Variants in EML5 observed in about 807,000 individuals in gnomAD.
EML5 encodes the protein EMAP like 5, also known as echinoderm microtubule-associated protein-like 5.
EML5 carries 120 observed loss-of-function variants against 250.0 expected under a neutral mutation model. The ratio of observed to expected loss-of-function variants is 0.48; its 90% CI spans 0.41 to 0.56. The LOEUF (loss-of-function observed/expected upper bound fraction) is 0.56, where lower values mean the gene tolerates loss of function less well. Among genes scored for constraint, EML5 ranks in the 20% least tolerant of loss-of-function variants. The pLI, the probability that EML5 is intolerant of heterozygous loss-of-function variation, is 0.00. For synonymous variants in EML5, 771 were observed against 806.5 expected (o/e 0.96, Z 0.75); for missense variants, 2,006 against 2,437.6 (o/e 0.82, Z 3.73).
At chr14:88,758,099 C>T (rs1238202530) in intron 1 of EML5, among the ~76,000 whole-genome samples, 1 of 151,014 alleles carries the variant, frequency 6.6e-6, no homozygotes, top group East Asian at 1.9e-4. Context: ...TTAAGAGATC[C>T]TCCCACCTCA....
chr14:88,736,418 G>T lies in EML5; in HGVS notation c.995C>A (p.Ala332Asp). 1 of 1,614,010 alleles carries T rather than the reference G, an allele frequency of 6.2e-7. No homozygotes were observed. Among genetic ancestry groups the T allele is most frequent in the Non-Finnish European group, 8.5e-7 (1 of 1,179,900 alleles). ...GHCEGELWAL[A>D]VHPTKPLAVT... The stretch of plus-strand genomic sequence containing the variant: ...AGCCAAAGGTTTAGTAGGATGGACA[G>T]CAAGTGCCCAAAGTTCACCTTCACA... The change falls in exon 7 of 44, where the codon GCT (alanine) becomes GAT (aspartate). Residue 332 changes from alanine (A) to aspartate (D), a missense_variant. Ala to Asp is a moderately radical substitution (Grantham distance 126, BLOSUM62 -2). Around this residue, in one of 7 missense-constraint regions of EML5, gnomAD observed 1,375 missense variants for 1,590.3 expected, o/e 0.86. Coordinates refer to ENST00000554922, the MANE Select transcript of EML5 (RefSeq NM_183387.3).
intron 28 of EML5, among the ~76,000 whole-genome samples, 197 bp from the exon 29 acceptor site, chr14:88,647,152 G>A (rs1470279163): frequency 2.6e-5 from 4 of 152,130 alleles, no homozygotes; most frequent in East Asian, 1.9e-4. Flanking sequence ...CACGAGGTCA[G>A]GAGTTCGAGA....
chr14:88,769,454 C>T (rs147397000), intron 1 of EML5, among the ~76,000 whole-genome samples: 82 of 152,324 alleles, frequency 5.4e-4, no homozygotes, highest in African/African-American at 1.9e-3. Context: ...AGCTAAACCT[C>T]TTTTCTTTAT....
At chr14:88,616,389 G>A (rs1257658058) in intron 42 of EML5, 147 bp from the exon 43 acceptor site, 1 of 772,896 alleles carries the variant, frequency 1.3e-6, no homozygotes, top group Non-Finnish European at 2.1e-6. Flanking sequence ...TTTTCAGCAT[G>A]AGTAGTGGAT....
chr14:88,742,808 A>T (rs2093942919), intron 4 of EML5, among the ~76,000 whole-genome samples: 2 of 152,114 alleles, frequency 1.3e-5, no homozygotes, highest in South Asian at 4.1e-4. Flanking sequence ...AATCAAATCA[A>T]TACCAGAATA....
intron 1 of EML5, among the ~76,000 whole-genome samples, chr14:88,762,754 A>C (rs1395440816): frequency 1.3e-5 from 2 of 152,170 alleles, no homozygotes; most frequent in Admixed American, 6.5e-5. Context: ...TGACCACATA[A>C]TTGGAAGTAA....
At chr14:88,783,084 A>G (rs986842176) in intron 1 of EML5, among the ~76,000 whole-genome samples, 11 of 152,182 alleles carry the variant, frequency 7.2e-5, no homozygotes, top group Non-Finnish European at 1.5e-4. Flanking sequence ...CCATGTCAAA[A>G]AAAAAGAAAA....
intron 24 of EML5, among the ~76,000 whole-genome samples, chr14:88,662,471 T>G (rs934398485): frequency 1.3e-5 from 2 of 151,432 alleles, no homozygotes; most frequent in African/African-American, 4.8e-5. Flanking sequence ...TGTCTTCTAT[T>G]TGCTATTTCA....
chr14:88,716,138 C>T (rs2093489360), intron 8 of EML5, among the ~76,000 whole-genome samples: 1 of 152,150 alleles, frequency 6.6e-6, no homozygotes, highest in Admixed American at 6.5e-5. Context: ...TTCTGTTACA[C>T]ATGTGCAAGA....
chr14:88,790,018 G>A (rs1302569932), intron 1 of EML5, among the ~76,000 whole-genome samples: 2 of 152,112 alleles, frequency 1.3e-5, no homozygotes, highest in Admixed American at 6.5e-5. Flanking sequence ...CTTCTGCTGT[G>A]GCATAATTTA....
chr14:88,723,879 C>A (rs780917188), intron 8 of EML5, among the ~76,000 whole-genome samples: 1 of 152,206 alleles, frequency 6.6e-6, no homozygotes, highest in South Asian at 2.1e-4. Context: ...CCCTGGCATA[C>A]CACCTTATAT....
chr14:88,726,755 T>C, intron 7 of EML5, 77 bp from the exon 8 acceptor site: 1 of 1,044,738 alleles, frequency 9.6e-7, no homozygotes, highest in South Asian at 2.4e-5. Context: ...TAAAATAATC[T>C]CATCTTAATT....
intron 31 of EML5, among the ~76,000 whole-genome samples, chr14:88,639,317 T>C (rs115099362): frequency 0.015 from 2,265 of 152,212 alleles, 58 homozygotes; most frequent in African/African-American, 0.051. Context: ...CAGGAAAGTG[T>C]TGTGTATCCA....
At chr14:88,767,578 A>T (rs2094337121) in intron 1 of EML5, among the ~76,000 whole-genome samples, 1 of 152,142 alleles carries the variant, frequency 6.6e-6, no homozygotes, top group Admixed American at 6.5e-5. Flanking sequence ...AAGAGTTCTT[A>T]ATATATTCTT....
At chr14:88,708,335 G>C (rs368699099) in intron 10 of EML5, among the ~76,000 whole-genome samples, 28 of 152,038 alleles carry the variant, frequency 1.8e-4, no homozygotes, top group African/African-American at 6.8e-4. Context: ...ATTACCCCTT[G>C]TGATTATATT....
rs748982239 is a variant in EML5, at chr14:88,687,333, G to GA, written c.2743-7dup. On this transcript the variant is annotated splice_region_variant and splice_polypyrimidine_tract_variant and intron_variant, in intron 18 of 43. Transcript: ENST00000554922. Reference sequence around the variant, plus strand: ...TTTCCTCCAGTTACAAACCCCTATGGAAAAAAAAAGGTTCAAGTTAATAAA... The same window carrying GA: ...TTTCCTCCAGTTACAAACCCCTATGGAAAAAAAAAAGGTTCAAGTTAATAAA... 8.4e-4 allele frequency: 1,278 copies of GA among 1,520,088 alleles called. 1 individual carries two copies. Among genetic ancestry groups the GA allele is most frequent in the Admixed American group, 1.5e-3 (69 of 45,542 alleles). 94.2% of individuals were successfully genotyped at this position (1,520,088 alleles called of 1,614,324 possible).
chr14:88,693,716 C>G (rs1360807799), intron 17 of EML5, among the ~76,000 whole-genome samples: 1 of 145,550 alleles, frequency 6.9e-6, no homozygotes, highest in East Asian at 2.1e-4. Context: ...AAAAGTGTTA[C>G]AGAGTATTAT....
chr14:88,785,721 C>G (rs537327561), intron 1 of EML5, among the ~76,000 whole-genome samples: 1 of 150,964 alleles, frequency 6.6e-6, no homozygotes, highest in African/African-American at 2.5e-5. Context: ...TCTTTTGTCA[C>G]TACTTTCACT....
In EML5 at chr14:88,712,443, A is replaced by T. The variant is rs1305847508; in HGVS notation, c.1485T>A (p.Val495=). The T allele has an allele frequency of 9.9e-6, 16 of 1,613,514 alleles. No homozygotes were observed. Among genetic ancestry groups the T allele is most frequent in the African/African-American group, 1.3e-5 (1 of 74,912 alleles). Residue 495 remains valine (V), a synonymous_variant, in exon 10 of 44, where the codon GTT becomes GTA. Coordinates refer to ENST00000554922, the MANE Select transcript of EML5 (RefSeq NM_183387.3). ...AAACACATGTCCATGAAGCCCAATG[A>T]ACACCTTTTATTTCTTCTGTACTTG... ...EVTSTEEIKG[V]HWASWTCVSG... is the part of the protein sequence containing the mutation.
Sources: allele counts gnomAD v4.1 joint callset (sites outside exome capture counted in the v4.1 genomes callset), GRCh38; gene constraint gnomAD v4.1.1; regional missense constraint gnomAD v4.1.1; transcripts MANE v1.5; gene names NCBI Gene and HGNC (gene_info 2026-07-23, HGNC 2026-07-21).